KDELR2: variants seen among roughly 807,000 people sequenced by gnomAD.
The protein encoded by KDELR2 is ER lumen protein-retaining receptor 2.
In KDELR2, 15 loss-of-function variants were observed where a neutral mutation model predicts 23.9. The observed-to-expected ratio is 0.63, with a 90% confidence interval of 0.42 to 0.97. The LOEUF is 0.97. Ranked by LOEUF, KDELR2 falls within the 50% of genes least tolerant of loss-of-function variation. KDELR2 has a pLI of 0.00. For synonymous variants in KDELR2, 119 were observed against 106.2 expected (o/e 1.12, Z -0.74); for missense variants, 272 against 254.6 (o/e 1.07, Z -0.46).
chr7:6,468,176 G>A (rs902607870), intron 3 of KDELR2, among the ~76,000 whole-genome samples: 3 of 152,160 alleles, frequency 2.0e-5, no homozygotes, highest in African/African-American at 7.2e-5. Flanking sequence ...AAATATGTGG[G>A]TGCTTAATTC....
intron 2 of KDELR2, among the ~76,000 whole-genome samples, chr7:6,473,082 A>ATTTTTTTTTTTTTTTTTTTTTTTTTTTT (rs1206035683): frequency 1.1e-5 from 1 of 94,888 alleles, no homozygotes; most frequent in Non-Finnish European, 1.9e-5. Flanking sequence ...TAATTTTTGT[A>ATTTTTTTTTTTTTTTTTTTTTTTTTTTT]TTTTTTTTTT....
intron 4 of KDELR2, among the ~76,000 whole-genome samples, chr7:6,465,542 C>T (rs756497388): frequency 2.0e-5 from 3 of 151,998 alleles, no homozygotes; most frequent in Non-Finnish European, 4.4e-5. Context: ...GTAAAGTTCA[C>T]ACGTCCTATG....
rs780374526 is a variant in KDELR2, at chr7:6,484,093, G to A, written c.-36C>T. The A allele has an allele frequency of 4.4e-5, 61 of 1,399,844 alleles. No individual in the cohort carries two copies. The highest frequency in any genetic ancestry group is 4.1e-4 in the Middle Eastern group (2 of 4,856). 86.7% of individuals were successfully genotyped at this position (1,399,844 alleles called of 1,614,324 possible). The stretch of plus-strand genomic sequence containing the variant: ...GCGGTGGCGGTCGGCGCAGCGCGGC[G>A]GCCCCGGGGCTGGGCGGCTCAGGAG... On this transcript the variant is annotated 5_prime_UTR_variant, in exon 1 of 5. Transcript: ENST00000258739.
intron 2 of KDELR2, 51 bp from the exon 3 acceptor site, chr7:6,469,805 G>A (rs779261820): frequency 1.4e-5 from 20 of 1,467,048 alleles, no homozygotes; most frequent in Non-Finnish European, 1.8e-5. Flanking sequence ...CACTGTTCCA[G>A]CACCCCCCAG....
At chr7:6,468,701 T>G (rs1562499240) in intron 3 of KDELR2, among the ~76,000 whole-genome samples, 1 of 151,864 alleles carries the variant, frequency 6.6e-6, no homozygotes, top group East Asian at 1.9e-4. Context: ...GAGACGGGGT[T>G]TCACCGTGTT....
Position 6,462,932 on chromosome 7 carries a change from T to C in KDELR2, c.*209A>G. On this transcript the variant is annotated 3_prime_UTR_variant, in exon 5 of 5. Coordinates refer to ENST00000258739, the MANE Select transcript of KDELR2 (RefSeq NM_006854.4). ...GTTTCTTTGTGTAAAAAAATCTTTG[T>C]ACACAGTAATAAAAAAAGATAAGGC... 6.4e-7 allele frequency: 1 copy of C among 1,553,754 alleles called. No individual in the cohort carries two copies. The highest frequency in any genetic ancestry group is 8.7e-7 in the Non-Finnish European group (1 of 1,143,958).
chr7:6,466,202 T>A lies in KDELR2; in HGVS notation c.473A>T (p.Tyr158Phe), dbSNP rs756259511. ...CCAGTTGACAAGATACAAAGCACGA[T>A]AGAGGCCCAGGAAGAACAGGTAGTG... ...TTHYLFFLGL[Y>F]RALYLVNWIW... The change falls in exon 4 of 5, where the codon TAT (tyrosine) becomes TTT (phenylalanine). Residue 158 changes from tyrosine (Y) to phenylalanine (F), a missense_variant. Coordinates refer to ENST00000258739, the MANE Select transcript of KDELR2 (RefSeq NM_006854.4). 1.9e-6 allele frequency: 3 copies of A among 1,614,110 alleles called. No individual in the cohort carries two copies. The highest frequency in any genetic ancestry group is 2.5e-6 in the Non-Finnish European group (3 of 1,180,016).
At chr7:6,477,475 C>T (rs1785780359) in intron 1 of KDELR2, among the ~76,000 whole-genome samples, 1 of 152,204 alleles carries the variant, frequency 6.6e-6, no homozygotes, top group Non-Finnish European at 1.5e-5. Context: ...GAGATCAAAG[C>T]ATGCTAAGGT....
At chr7:6,475,287 C>A (rs922875797) in intron 1 of KDELR2, among the ~76,000 whole-genome samples, 5 of 152,032 alleles carry the variant, frequency 3.3e-5, no homozygotes, top group African/African-American at 9.7e-5. Context: ...GATAGCCAGG[C>A]AAGGTGGCAC....
intron 1 of KDELR2, among the ~76,000 whole-genome samples, chr7:6,483,244 A>G (rs764334106): frequency 7.2e-5 from 11 of 152,170 alleles, no homozygotes; most frequent in Non-Finnish European, 1.6e-4. Flanking sequence ...AAGAGAACCC[A>G]TTATTAGATG....
chr7:6,468,603 T>A lies in KDELR2; in HGVS notation c.351+993A>T, dbSNP rs527965703. ...TCACTGCAAGCTCCGCCTCCCAGGT[T>A]CACGCCATTCTCCTGCCTCAGCCTC... On this transcript the variant is annotated intron_variant, in intron 3 of 4. Coordinates refer to ENST00000258739, the MANE Select transcript of KDELR2 (RefSeq NM_006854.4). Among the ~76,000 whole-genome samples the A allele has an allele frequency of 4.6e-3, 705 of 152,304 alleles. 6 individuals carry two copies. Among genetic ancestry groups the A allele is most frequent in the Middle Eastern group, 0.037 (11 of 294 alleles).
chr7:6,464,757 CAG>C (rs1203603590), intron 4 of KDELR2, among the ~76,000 whole-genome samples: 6 of 117,158 alleles, frequency 5.1e-5, no homozygotes, highest in African/African-American at 2.0e-4. Flanking sequence ...TTTTTTGAGA[CAG>C]AGTTTTGCTC....
At chr7:6,476,437 G>A (rs1245257330) in intron 1 of KDELR2, among the ~76,000 whole-genome samples, 1 of 152,210 alleles carries the variant, frequency 6.6e-6, no homozygotes, top group Non-Finnish European at 1.5e-5. Context: ...AGAAAGAACA[G>A]GGAGCAGTCA....
At chr7:6,470,323 C>A (rs1184103025) in intron 2 of KDELR2, 1 of 152,258 alleles carries the variant, frequency 6.6e-6, no homozygotes, top group Non-Finnish European at 1.5e-5. Flanking sequence ...CTTGGAGAAT[C>A]TCCCACCAGA....
intron 3 of KDELR2, among the ~76,000 whole-genome samples, chr7:6,468,514 CTTTTT>C (rs201111483): frequency 6.7e-6 from 1 of 149,812 alleles, no homozygotes; most frequent in Non-Finnish European, 1.5e-5. Context: ...TTTCTTTCTT[CTTTTT>C]TTTTGAGACA....
chr7:6,473,572 G>A (rs996793657), intron 2 of KDELR2, among the ~76,000 whole-genome samples: 6 of 152,042 alleles, frequency 3.9e-5, no homozygotes, highest in South Asian at 2.1e-4. Context: ...AGACAACAAA[G>A]GTGTTATAGA....
At chr7:6,483,847 C>G in intron 1 of KDELR2, 120 bp downstream of exon 1, 6 of 764,114 alleles carry the variant, frequency 7.9e-6, no homozygotes, top group Non-Finnish European at 8.8e-6. Flanking sequence ...TTAGGCCGGC[C>G]GAGGGGGTGT....
intron 3 of KDELR2, among the ~76,000 whole-genome samples, chr7:6,466,935 G>C (rs1785515790): frequency 6.6e-6 from 1 of 152,128 alleles, no homozygotes; most frequent in Non-Finnish European, 1.5e-5. Context: ...ATCTCCTCCT[G>C]GGTGGCCTGG....
At position 6,462,118 on chromosome 7, in the gene KDELR2, C is replaced by A. The variant is rs929051074; in HGVS notation, c.*1023G>T. On this transcript the variant is annotated 3_prime_UTR_variant, in exon 5 of 5. Coordinates refer to ENST00000258739, the MANE Select transcript of KDELR2 (RefSeq NM_006854.4). Reference sequence around the variant, plus strand: ...AAACAAGAAACTACGATGTCGGCTGCGGGTTAAATAAAAAGAAAACCACAC... The same window carrying A: ...AAACAAGAAACTACGATGTCGGCTGAGGGTTAAATAAAAAGAAAACCACAC... 1 of 151,618 alleles carries A rather than the reference C, an allele frequency of 6.6e-6. No homozygotes were observed. Among genetic ancestry groups the A allele is most frequent in the Non-Finnish European group, 1.5e-5 (1 of 67,980 alleles). The allele number at this position is 151,618 out of a possible 1,614,324, so 9.4% of individuals were successfully genotyped here.
Sources: gnomAD v4.1 joint callset for allele counts (sites outside exome capture counted in the v4.1 genomes callset) on GRCh38, gnomAD v4.1.1 for gene constraint, MANE v1.5 for transcripts, NCBI Gene and HGNC (gene_info 2026-07-23, HGNC 2026-07-21) for gene names.